FANCD2OS: variants seen among roughly 807,000 people sequenced by gnomAD.
The protein encoded by FANCD2OS is FANCD2 opposite strand protein.
A neutral mutation model predicts 13.2 loss-of-function variants in FANCD2OS; 11 were observed. The ratio of observed to expected loss-of-function variants is 0.83; its 90% CI spans 0.52 to 1.38. The LOEUF (loss-of-function observed/expected upper bound fraction) is 1.38. Ranked by LOEUF, FANCD2OS falls within the 40% of genes most tolerant of loss-of-function variation. The pLI is 0.00. For synonymous variants in FANCD2OS, 69 were observed against 84.5 expected (o/e 0.82, Z 1.01); for missense variants, 217 against 213.9 (o/e 1.01, Z -0.09).
chr3:10,103,900 C>G (rs530808125), downstream of FANCD2OS: 9 of 221,884 alleles, frequency 4.1e-5, no homozygotes, highest in East Asian at 8.2e-4. Flanking sequence ...CCTCTACACC[C>G]CTTTTCCCCC....
chr3:10,103,437 T>G (rs1039236208), downstream of FANCD2OS, among the ~76,000 whole-genome samples: 1 of 152,084 alleles, frequency 6.6e-6, no homozygotes, highest in Non-Finnish European at 1.5e-5. Flanking sequence ...TAGCCAGATA[T>G]GGTGGCCCGC....
intron 1 of FANCD2OS, among the ~76,000 whole-genome samples, chr3:10,105,373 C>T (rs1365492612): frequency 6.6e-6 from 1 of 152,134 alleles, no homozygotes; most frequent in Non-Finnish European, 1.5e-5. Context: ...GAGTCTTTAT[C>T]TTCTGAGGTG....
intron 2 of FANCD2OS, chr3:10,081,634 A>AC: frequency 1.4e-6 from 1 of 694,066 alleles, no homozygotes. Flanking sequence ...TTGATCTTGT[A>AC]CCCTCTGAGT....
upstream of FANCD2OS, among the ~76,000 whole-genome samples, chr3:10,108,432 C>T (rs1695561741): frequency 3.9e-5 from 6 of 152,314 alleles, no homozygotes; most frequent in South Asian, 1.2e-3. Context: ...TTGTCCAGGA[C>T]TTGGCCTTCA....
intron 2 of FANCD2OS, among the ~76,000 whole-genome samples, chr3:10,090,899 G>A (rs1694565433): frequency 6.6e-6 from 1 of 151,654 alleles, no homozygotes; most frequent in African/African-American, 2.4e-5. Flanking sequence ...AGTTAGAGGT[G>A]AGGAATGGGC....
intron 2 of FANCD2OS, among the ~76,000 whole-genome samples, chr3:10,092,526 G>A (rs778797472): frequency 6.9e-6 from 1 of 145,550 alleles, no homozygotes; most frequent in Non-Finnish European, 1.5e-5. Flanking sequence ...TTTTCACCTT[G>A]CCTTGGATCC....
At chr3:10,089,139 G>A (rs796113750) in intron 2 of FANCD2OS, among the ~76,000 whole-genome samples, 1 of 152,080 alleles carries the variant, frequency 6.6e-6, no homozygotes, top group South Asian at 2.1e-4. Flanking sequence ...ACAAAAATTA[G>A]CCGGGCGTGG....
chr3:10,103,358 C>T (rs377271078), downstream of FANCD2OS, among the ~76,000 whole-genome samples: 25 of 151,942 alleles, frequency 1.6e-4, no homozygotes, highest in African/African-American at 4.8e-4. Flanking sequence ...GCCGAGATGG[C>T]GCCACTGCAC....
intron 2 of FANCD2OS, among the ~76,000 whole-genome samples, chr3:10,085,212 C>T (rs1488590108): frequency 2.0e-5 from 3 of 151,904 alleles, no homozygotes; most frequent in Admixed American, 6.6e-5. Flanking sequence ...TCAAAGTAAA[C>T]CTATGGCCCA....
At chr3:10,094,179 T>G (rs577363597) in intron 2 of FANCD2OS, 4 of 792,918 alleles carry the variant, frequency 5.0e-6, no homozygotes, top group Non-Finnish European at 8.6e-6. Context: ...TTGTTTTTTA[T>G]ATATATAAAT....
intron 1 of FANCD2OS, among the ~76,000 whole-genome samples, chr3:10,106,682 G>A (rs1379874009): frequency 2.6e-5 from 4 of 152,196 alleles, no homozygotes; most frequent in Non-Finnish European, 5.9e-5. Context: ...GGGAGGCCGA[G>A]GTGGGTGGAT....
chr3:10,096,386 TTA>T, intron 2 of FANCD2OS: 2 of 1,614,098 alleles, frequency 1.2e-6, no homozygotes, highest in South Asian at 2.2e-5. Context: ...CCTGGAACTT[TTA>T]GTTTGCAGAG....
At chr3:10,100,384 CT>C (rs1559412217), downstream of FANCD2OS, among the ~76,000 whole-genome samples, 1 of 152,068 alleles carries the variant, frequency 6.6e-6, no homozygotes, top group Non-Finnish European at 1.5e-5. Context: ...CACAGCACTT[CT>C]TTTTTTGAGA....
downstream of FANCD2OS, chr3:10,101,059 C>A: frequency 3.0e-6 from 2 of 662,580 alleles, no homozygotes; most frequent in Non-Finnish European, 5.3e-6. Context: ...CAGAGCAAGA[C>A]TCCTTTAAAA....
intron 2 of FANCD2OS, among the ~76,000 whole-genome samples, chr3:10,088,277 G>A (rs562959478): frequency 3.3e-5 from 5 of 152,322 alleles, no homozygotes; most frequent in African/African-American, 1.2e-4. Flanking sequence ...TGGCAAAAGG[G>A]CCAGTGGATC....
At chr3:10,093,709 T>C (rs1001764415) in intron 2 of FANCD2OS, among the ~76,000 whole-genome samples, 7 of 152,156 alleles carry the variant, frequency 4.6e-5, no homozygotes, top group Admixed American at 4.6e-4. Context: ...ATTGCCAAAC[T>C]TCTCTTTTGT....
chr3:10,101,377 C>CTTTT (rs950337384), downstream of FANCD2OS: 40 of 388,382 alleles, frequency 1.0e-4, no homozygotes, highest in East Asian at 1.3e-4. Flanking sequence ...TTTTGTTCCT[C>CTTTT]TTTTTTTTTT....
intron 2 of FANCD2OS, chr3:10,085,739 G>A: frequency 1.0e-6 from 1 of 964,374 alleles, no homozygotes; most frequent in Non-Finnish European, 1.7e-6. Flanking sequence ...CAGACTGGAG[G>A]CCAGGATCCT....
At chr3:10,092,306 G>T (rs2125086385) in intron 2 of FANCD2OS, 1 of 1,376,932 alleles carries the variant, frequency 7.3e-7, no homozygotes, top group East Asian at 2.3e-5. Flanking sequence ...GAAACCAAGT[G>T]TCCTGGCTTC....
Sources: gnomAD v4.1 joint callset for allele counts (sites outside exome capture counted in the v4.1 genomes callset) on GRCh38, gnomAD v4.1.1 for gene constraint, MANE v1.5 for transcripts, NCBI Gene and HGNC (gene_info 2026-07-23, HGNC 2026-07-21) for gene names.